APBB2: variants seen among roughly 807,000 people sequenced by gnomAD.
The protein encoded by APBB2 is Fe65-like 1.
APBB2 carries 38 observed loss-of-function variants against 82.5 expected under a neutral mutation model. The observed-to-expected ratio is 0.46, with a 90% CI of 0.36 to 0.60. The LOEUF (loss-of-function observed/expected upper bound fraction) is 0.60, where lower values mean the gene tolerates loss of function less well. Among genes scored for constraint, APBB2 ranks in the 20% least tolerant of loss-of-function variants. APBB2 has a pLI of 0.00. For missense variants in APBB2, 772 were observed against 972.3 expected, an observed-to-expected ratio of 0.79 and a Z score of 2.74; for synonymous variants, 341 against 368.2, an observed-to-expected ratio of 0.93 and a Z score of 0.85.
At position 41,062,267 on chromosome 4, in the gene APBB2, G is replaced by T. The variant is rs575826350; in HGVS notation, c.-51+3309C>A. Among the ~76,000 whole-genome samples the T allele has an allele frequency of 1.3e-4, 20 of 152,164 alleles. 1 individual carries two copies. The South Asian group carries it at 3.9e-3, about 30-fold the overall frequency. ...GGCTCACTGCAACCTCCGCCTCCCAGGTTCAAGCAATTCTCCTGCCTCAGC... is the reference window on the plus strand; with the variant it reads ...GGCTCACTGCAACCTCCGCCTCCCATGTTCAAGCAATTCTCCTGCCTCAGC... On this transcript the variant is annotated intron_variant, in intron 4 of 17. Coordinates refer to ENST00000508593, the MANE Select transcript of APBB2 (RefSeq NM_004307.2).
At chr4:41,077,817 GA>G (rs1284658876) in intron 3 of APBB2, among the ~76,000 whole-genome samples, 1 of 152,118 alleles carries the variant, frequency 6.6e-6, no homozygotes, top group Admixed American at 6.6e-5. Flanking sequence ...GATTGCTAAG[GA>G]CAAATTCCAG....
chr4:41,099,249 A>G (rs939181934), intron 3 of APBB2, among the ~76,000 whole-genome samples: 1 of 151,766 alleles, frequency 6.6e-6, no homozygotes, highest in Non-Finnish European at 1.5e-5. Context: ...TTTTTTTGGG[A>G]TGGAGTTTCG....
chr4:41,168,017 T>C (rs1767142521), intron 1 of APBB2, among the ~76,000 whole-genome samples: 1 of 152,154 alleles, frequency 6.6e-6, no homozygotes, highest in Non-Finnish European at 1.5e-5. Flanking sequence ...ACGCCTATAA[T>C]CCCAGTACTT....
At chr4:41,212,744 T>A (rs1255195518) in intron 1 of APBB2, among the ~76,000 whole-genome samples, 1 of 152,314 alleles carries the variant, frequency 6.6e-6, no homozygotes, top group Non-Finnish European at 1.5e-5. Flanking sequence ...CTTGTACTTG[T>A]ACCCCACCAC....
chr4:40,977,391 C>T (rs1368285806), intron 6 of APBB2, among the ~76,000 whole-genome samples: 1 of 151,598 alleles, frequency 6.6e-6, no homozygotes, highest in African/African-American at 2.4e-5. Flanking sequence ...CAGCTCACTG[C>T]AATCTCCAAC....
At chr4:41,060,630 A>G (rs1008390574) in intron 4 of APBB2, among the ~76,000 whole-genome samples, 5 of 152,192 alleles carry the variant, frequency 3.3e-5, no homozygotes, top group Admixed American at 3.3e-4. Context: ...GCCAAAATAT[A>G]AAAGGAATTT....
intron 7 of APBB2, among the ~76,000 whole-genome samples, chr4:40,942,045 A>G (rs2154379111): frequency 6.6e-6 from 1 of 152,316 alleles, no homozygotes; most frequent in East Asian, 1.9e-4. Context: ...TCTGCACATC[A>G]GCGTATGTGG....
chr4:41,086,639 C>A (rs116257774), intron 3 of APBB2, among the ~76,000 whole-genome samples: 1 of 151,988 alleles, frequency 6.6e-6, no homozygotes, highest in South Asian at 2.1e-4. Context: ...AAACATTCAA[C>A]GAATTAGGAA....
At chr4:41,146,365 C>T (rs1183176610) in intron 1 of APBB2, among the ~76,000 whole-genome samples, 6 of 142,912 alleles carry the variant, frequency 4.2e-5, no homozygotes, top group African/African-American at 1.3e-4. Flanking sequence ...CATGATGGCA[C>T]ATGCCTGTGG....
intron 6 of APBB2, among the ~76,000 whole-genome samples, chr4:41,003,084 T>C (rs1805683927): frequency 6.6e-6 from 1 of 152,212 alleles, no homozygotes; most frequent in Non-Finnish European, 1.5e-5. Context: ...CTACTAAATA[T>C]TAAGCTTTGC....
rs1333411558 is a variant in APBB2 at position 40,890,649 on chromosome 4, T to G, written c.1402-158A>C. Among the ~76,000 whole-genome samples, 4 of 152,046 alleles carry G rather than the reference T, an allele frequency of 2.6e-5. 1 individual carries two copies. The highest frequency in any genetic ancestry group is 2.6e-4 in the Admixed American group (4 of 15,234). Reference sequence around the variant, plus strand: ...GAAACTTCCTTTCTGGACAAGAATATTGATATCTTTCAGTTTCCCCTCATA... The same window carrying G: ...GAAACTTCCTTTCTGGACAAGAATAGTGATATCTTTCAGTTTCCCCTCATA... On this transcript the variant is annotated intron_variant, in intron 11 of 17. Transcript: ENST00000508593.
chr4:41,105,945 T>C (rs748839694), intron 2 of APBB2, among the ~76,000 whole-genome samples: 1 of 151,362 alleles, frequency 6.6e-6, no homozygotes, highest in Non-Finnish European at 1.5e-5. Flanking sequence ...CCAGAGACTG[T>C]GTCCAATTAT....
At chr4:40,958,791 A>G (rs1182098975) in intron 6 of APBB2, among the ~76,000 whole-genome samples, 5 of 152,140 alleles carry the variant, frequency 3.3e-5, no homozygotes, top group African/African-American at 1.2e-4. Context: ...TTTTTTGTAG[A>G]GATGGGGTCT....
intron 1 of APBB2, among the ~76,000 whole-genome samples, chr4:41,192,355 A>G (rs1210643780): frequency 6.6e-6 from 1 of 152,228 alleles, no homozygotes; most frequent in African/African-American, 2.4e-5. Flanking sequence ...TCATTGTAGG[A>G]TTACTTACAA....
chr4:40,989,357 C>T (rs904857045), intron 6 of APBB2, among the ~76,000 whole-genome samples: 11 of 152,006 alleles, frequency 7.2e-5, no homozygotes, highest in African/African-American at 2.4e-4. Context: ...CTGCAGAAAA[C>T]GTTCATTTCC....
intron 6 of APBB2, among the ~76,000 whole-genome samples, chr4:40,974,776 A>T (rs562198249): frequency 6.6e-6 from 1 of 152,376 alleles, no homozygotes; most frequent in Non-Finnish European, 1.5e-5. Flanking sequence ...ACACAGTAAG[A>T]ATGGCATACA....
At chr4:40,841,114 C>T (rs1331203507) in intron 12 of APBB2, among the ~76,000 whole-genome samples, 1 of 152,210 alleles carries the variant, frequency 6.6e-6, no homozygotes, top group Non-Finnish European at 1.5e-5. Flanking sequence ...TATGCTGTCT[C>T]TCCCTCTTAA....
intron 1 of APBB2, among the ~76,000 whole-genome samples, chr4:41,199,816 A>C (rs913766466): frequency 6.6e-6 from 1 of 152,120 alleles, no homozygotes; most frequent in African/African-American, 2.4e-5. Flanking sequence ...TCTAGTGGCA[A>C]ACTTGTGCAT....
intron 5 of APBB2, among the ~76,000 whole-genome samples, chr4:41,030,413 G>C (rs1716292128): frequency 6.6e-6 from 1 of 152,104 alleles, no homozygotes; most frequent in Admixed American, 6.6e-5. Flanking sequence ...TACTTTAAGG[G>C]ACAGGGTCTC....
Sources: gnomAD v4.1 joint callset for allele counts (sites outside exome capture counted in the v4.1 genomes callset) on GRCh38, gnomAD v4.1.1 for gene constraint, MANE v1.5 for transcripts, NCBI Gene and HGNC (gene_info 2026-07-23, HGNC 2026-07-21) for gene names.